CECR2: variants seen among roughly 807,000 people sequenced by gnomAD.
CECR2 encodes the protein chromatin remodeling regulator CECR2.
A neutral mutation model predicts 154.5 loss-of-function variants in CECR2; 30 were observed. That is an observed-to-expected ratio of 0.19 (90% CI 0.15 to 0.26). The LOEUF (loss-of-function observed/expected upper bound fraction) is 0.26, where lower values mean the gene tolerates loss of function less well. CECR2 is among the 10% of genes least tolerant of loss of function. CECR2 has a pLI of 1.00. For synonymous variants in CECR2, 725 were observed against 683.7 expected (o/e 1.06, Z -0.94); for missense variants, 1,743 against 1,829.3 (o/e 0.95, Z 0.86).
intron 1 of CECR2, among the ~76,000 whole-genome samples, chr22:17,378,196 G>A (rs971585639): frequency 1.3e-5 from 2 of 151,320 alleles, no homozygotes; most frequent in African/African-American, 2.4e-5. Context: ...TGTTAGCCAG[G>A]ATGGTCTGGA....
chr22:17,387,994 G>A (rs1488912841), intron 1 of CECR2, among the ~76,000 whole-genome samples: 4 of 151,588 alleles, frequency 2.6e-5, no homozygotes, highest in Middle Eastern at 3.4e-3. Context: ...TGTCTCTGTC[G>A]CCCAGGCTGG....
chr22:17,529,417 T>TG (rs1474838370), intron 9 of CECR2, among the ~76,000 whole-genome samples: 1 of 151,724 alleles, frequency 6.6e-6, no homozygotes, highest in Non-Finnish European at 1.5e-5. Context: ...AAGGGTTAAA[T>TG]GGGCTGGGCG....
chr22:17,537,507 T>C (rs1180915789), intron 10 of CECR2, among the ~76,000 whole-genome samples: 1 of 152,226 alleles, frequency 6.6e-6, no homozygotes, highest in Non-Finnish European at 1.5e-5. Flanking sequence ...GTAAATTAGC[T>C]CCTTGGAAAT....
At chr22:17,505,592 G>A (rs541658070) in intron 7 of CECR2, among the ~76,000 whole-genome samples, 6 of 135,342 alleles carry the variant, frequency 4.4e-5, no homozygotes, top group Admixed American at 8.1e-5. Flanking sequence ...GCAGTGCAGC[G>A]GTGCAATCTG....
chr22:17,374,603 G>C (rs1337204916), intron 1 of CECR2, among the ~76,000 whole-genome samples: 3 of 152,182 alleles, frequency 2.0e-5, no homozygotes, highest in Admixed American at 2.0e-4. Flanking sequence ...GCCCCAATTA[G>C]GGGTTCAGAA....
intron 1 of CECR2, among the ~76,000 whole-genome samples, chr22:17,454,012 G>T (rs577417063): frequency 6.6e-6 from 1 of 152,300 alleles, no homozygotes; most frequent in South Asian, 2.1e-4. Flanking sequence ...TCCAAGTGCT[G>T]GCTTTGCCAC....
intron 2 of CECR2, among the ~76,000 whole-genome samples, chr22:17,479,589 T>C (rs543106683): frequency 4.7e-5 from 7 of 147,900 alleles, no homozygotes; most frequent in African/African-American, 4.9e-5. Flanking sequence ...ATCCTCTAAT[T>C]TGTCCTTCTG....
chr22:17,537,849 T>C (rs527733611), intron 10 of CECR2, among the ~76,000 whole-genome samples: 2 of 151,942 alleles, frequency 1.3e-5, no homozygotes, highest in African/African-American at 2.4e-5. Context: ...TTAAAAAAAA[T>C]TAGGTGAGGT....
At chr22:17,433,580 G>T (rs192373184) in intron 1 of CECR2, among the ~76,000 whole-genome samples, 13 of 152,208 alleles carry the variant, frequency 8.5e-5, no homozygotes, top group African/African-American at 3.1e-4. Context: ...CAAGTAGGTG[G>T]GACTACAGGT....
intron 1 of CECR2, among the ~76,000 whole-genome samples, chr22:17,446,351 G>A (rs902372058): frequency 7.2e-5 from 11 of 152,102 alleles, no homozygotes; most frequent in Admixed American, 7.2e-4. Flanking sequence ...GGTTCCTTCC[G>A]GTGGGTTCTT....
At chr22:17,526,524 T>C (rs1468596867) in intron 9 of CECR2, among the ~76,000 whole-genome samples, 1 of 152,080 alleles carries the variant, frequency 6.6e-6, no homozygotes, top group Non-Finnish European at 1.5e-5. Context: ...AATAATTATA[T>C]CTAAGGCCGG....
chr22:17,388,454 G>A (rs1367909305), intron 1 of CECR2, among the ~76,000 whole-genome samples: 1 of 152,106 alleles, frequency 6.6e-6, no homozygotes, highest in African/African-American at 2.4e-5. Flanking sequence ...CATGCCCAGC[G>A]GGTGGCAGAA....
chr22:17,446,396 T>G (rs970475483), intron 1 of CECR2, among the ~76,000 whole-genome samples: 7 of 152,128 alleles, frequency 4.6e-5, no homozygotes, highest in African/African-American at 1.4e-4. Context: ...GCCACGGAAC[T>G]TAGCGGTGAG....
chr22:17,440,692 C>G (rs185475075), intron 1 of CECR2, among the ~76,000 whole-genome samples: 1 of 152,142 alleles, frequency 6.6e-6, no homozygotes, highest in African/African-American at 2.4e-5. Flanking sequence ...TGTAAGAAAA[C>G]AAGAAAAACT....
rs2056766098 is a variant in CECR2 at position 17,555,766 on chromosome 22, C to G, written c.*2926C>G. 1 of 152,136 alleles carries G rather than the reference C, an allele frequency of 6.6e-6. No individual in the cohort carries two copies. Among genetic ancestry groups the G allele is most frequent in the African/African-American group, 2.4e-5 (1 of 41,434 alleles). The allele number at this position is 152,136 out of a possible 1,614,324, so 9.4% of individuals were successfully genotyped here. On this transcript the variant is annotated 3_prime_UTR_variant, in exon 19 of 19. Transcript: ENST00000262608. Reference sequence around the variant, plus strand: ...TCTCAAGCTAGAAGGACATTTCACCCTGTGGGTCACTGTCACCTTGTCAGC... The same window carrying G: ...TCTCAAGCTAGAAGGACATTTCACCGTGTGGGTCACTGTCACCTTGTCAGC...
chr22:17,371,943 T>C (rs1360328863), intron 1 of CECR2, among the ~76,000 whole-genome samples: 1 of 152,200 alleles, frequency 6.6e-6, no homozygotes, highest in African/African-American at 2.4e-5. Context: ...AATTAGCTGG[T>C]TTAATTCCTA....
chr22:17,482,141 AG>A (rs1316378233), intron 2 of CECR2, among the ~76,000 whole-genome samples: 1 of 74,406 alleles, frequency 1.3e-5, no homozygotes, highest in East Asian at 2.6e-4. Context: ...AAAAAAAAAA[AG>A]GGCGTGGCAT....
At chr22:17,452,527 C>G (rs1312406595) in intron 1 of CECR2, among the ~76,000 whole-genome samples, 2 of 152,006 alleles carry the variant, frequency 1.3e-5, no homozygotes, top group East Asian at 3.9e-4. Flanking sequence ...GGTGGATTTG[C>G]TGGACTGGGA....
chr22:17,408,596 C>T (rs766396167), intron 1 of CECR2, among the ~76,000 whole-genome samples: 1 of 152,164 alleles, frequency 6.6e-6, no homozygotes, highest in South Asian at 2.1e-4. Context: ...AAACACCATT[C>T]CAGGTCCTGC....
Sources: gnomAD v4.1 joint callset for allele counts (sites outside exome capture counted in the v4.1 genomes callset) on GRCh38, gnomAD v4.1.1 for gene constraint, MANE v1.5 for transcripts, NCBI Gene and HGNC (gene_info 2026-07-23, HGNC 2026-07-21) for gene names.